NCKAP5: variants seen among roughly 807,000 people sequenced by gnomAD.
NCKAP5 encodes nck-associated protein 5.
In NCKAP5, 92 loss-of-function variants were observed where a neutral mutation model predicts 167.0. The observed-to-expected ratio is 0.55, with a 90% CI of 0.47 to 0.66. The LOEUF (loss-of-function observed/expected upper bound fraction) is 0.66. Among genes scored for constraint, NCKAP5 ranks in the 30% least tolerant of loss-of-function variants. The pLI is 0.00. For synonymous variants in NCKAP5, 891 were observed against 877.4 expected (o/e 1.02, Z -0.27); for missense variants, 2,378 against 2,315.0 (o/e 1.03, Z -0.56).
intron 3 of NCKAP5, among the ~76,000 whole-genome samples, chr2:133,348,406 A>T (rs897633623): frequency 1.3e-5 from 2 of 152,082 alleles, no homozygotes; most frequent in African/African-American, 4.8e-5. Context: ...ATTATACATC[A>T]CTATGCATTT....
At chr2:133,418,485 T>G (rs1380027023) in intron 3 of NCKAP5, among the ~76,000 whole-genome samples, 2 of 152,228 alleles carry the variant, frequency 1.3e-5, no homozygotes, top group East Asian at 3.9e-4. Flanking sequence ...TGCTTGGCTC[T>G]CTTAGCATTG....
chr2:133,232,514 A>G (rs2087199829), intron 4 of NCKAP5, among the ~76,000 whole-genome samples: 1 of 152,202 alleles, frequency 6.6e-6, no homozygotes. Flanking sequence ...GTCCAAAAGG[A>G]AAGAAAACCC....
intron 4 of NCKAP5, among the ~76,000 whole-genome samples, chr2:133,218,727 C>G (rs2150193491): frequency 6.6e-6 from 1 of 152,202 alleles, no homozygotes; most frequent in African/African-American, 2.4e-5. Flanking sequence ...AGGAACAGAT[C>G]AAAAGCCAAT....
chr2:133,196,419 AAG>A (rs1480585049), intron 5 of NCKAP5, among the ~76,000 whole-genome samples: 1 of 152,184 alleles, frequency 6.6e-6, no homozygotes, highest in Non-Finnish European at 1.5e-5. Context: ...GGACAAAAGT[AAG>A]AGAACTGAGG....
rs148182559 is a variant in NCKAP5, at chr2:133,178,040, G to A, written c.207+35676C>T. On this transcript the variant is annotated intron_variant, in intron 5 of 19. Transcript: ENST00000409261. ...GCAGGGTAGCTGTGGAAGCCTAGTA[G>A]GGAGCCAGAAGTCCCACACCTGCCC... 6.6e-3 allele frequency among the ~76,000 whole-genome samples: 1,003 copies of A among 152,304 alleles called. 31 individuals carry two copies. Among genetic ancestry groups the A allele is most frequent in the Admixed American group, 0.06 (920 of 15,296 alleles).
At chr2:133,483,588 T>C (rs1680643729) in intron 3 of NCKAP5, among the ~76,000 whole-genome samples, 1 of 144,508 alleles carries the variant, frequency 6.9e-6, no homozygotes, top group African/African-American at 2.5e-5. Flanking sequence ...TAAAGATTAA[T>C]ACGTTTTTGA....
chr2:133,523,305 C>T (rs1476619018), intron 2 of NCKAP5, among the ~76,000 whole-genome samples: 1 of 147,764 alleles, frequency 6.8e-6, no homozygotes, highest in South Asian at 2.1e-4. Flanking sequence ...CACAGTCACA[C>T]ACACACACAC....
intron 4 of NCKAP5, among the ~76,000 whole-genome samples, chr2:133,296,120 C>T (rs1425468713): frequency 1.3e-5 from 2 of 152,126 alleles, no homozygotes; most frequent in South Asian, 4.2e-4. Flanking sequence ...TGTCCAGCTG[C>T]TCCTGTGGGT....
At chr2:133,263,924 G>C (rs1054639674) in intron 4 of NCKAP5, among the ~76,000 whole-genome samples, 8 of 152,244 alleles carry the variant, frequency 5.3e-5, no homozygotes, top group African/African-American at 1.9e-4. Flanking sequence ...ATGCTTTGTA[G>C]CTAAAGAAAG....
At chr2:133,357,469 T>C (rs1684820088) in intron 3 of NCKAP5, among the ~76,000 whole-genome samples, 1 of 152,150 alleles carries the variant, frequency 6.6e-6, no homozygotes, top group Non-Finnish European at 1.5e-5. Flanking sequence ...TTAGAATAAT[T>C]TCTGTAATAC....
At chr2:133,222,540 A>G (rs2086700132) in intron 4 of NCKAP5, among the ~76,000 whole-genome samples, 1 of 152,212 alleles carries the variant, frequency 6.6e-6, no homozygotes, top group African/African-American at 2.4e-5. Flanking sequence ...GTATTCTTAT[A>G]AAATTCTAAG....
chr2:132,820,378 C>T (rs1045908314), intron 11 of NCKAP5, among the ~76,000 whole-genome samples: 5 of 151,614 alleles, frequency 3.3e-5, no homozygotes, highest in African/African-American at 4.8e-5. Context: ...TACAGGTGCC[C>T]GCCACCACGC....
chr2:133,592,223 C>G, the NCKAP5 span, among the ~76,000 whole-genome samples: 1 of 152,252 alleles, frequency 6.6e-6, no homozygotes, highest in South Asian at 2.1e-4. Flanking sequence ...TGTTTTCAAA[C>G]CCAAGTCTCT....
At chr2:133,541,745 A>C (rs1461087660) in intron 2 of NCKAP5, among the ~76,000 whole-genome samples, 2 of 152,098 alleles carry the variant, frequency 1.3e-5, no homozygotes, top group Admixed American at 1.3e-4. Flanking sequence ...CTGTAACTAC[A>C]TGATATTGAC....
intron 3 of NCKAP5, among the ~76,000 whole-genome samples, chr2:133,474,138 ATC>A (rs1391005154): frequency 6.1e-5 from 9 of 146,506 alleles, no homozygotes; most frequent in African/African-American, 2.2e-4. Flanking sequence ...CTATCTATCT[ATC>A]TATCTATCTA....
chr2:133,265,754 C>A (rs1287234176), intron 4 of NCKAP5, among the ~76,000 whole-genome samples: 2 of 152,130 alleles, frequency 1.3e-5, no homozygotes, highest in Non-Finnish European at 2.9e-5. Context: ...TGGGGACAGG[C>A]GCGCCCTGCT....
chr2:133,188,462 C>A (rs1321011563), intron 5 of NCKAP5, among the ~76,000 whole-genome samples: 1 of 152,028 alleles, frequency 6.6e-6, no homozygotes, highest in East Asian at 1.9e-4. Flanking sequence ...ACTCTCCACC[C>A]CAAATCAACA....
At chr2:133,407,602 G>A (rs1245145262) in intron 3 of NCKAP5, among the ~76,000 whole-genome samples, 1 of 152,176 alleles carries the variant, frequency 6.6e-6, no homozygotes, top group Non-Finnish European at 1.5e-5. Context: ...AGAGTCCAGT[G>A]CTGTGAATGA....
intron 3 of NCKAP5, among the ~76,000 whole-genome samples, chr2:133,435,047 G>T (rs1690385505): frequency 6.6e-6 from 1 of 152,156 alleles, no homozygotes; most frequent in Non-Finnish European, 1.5e-5. Context: ...CAAAGCCCTG[G>T]CCTGCCCTTC....
Sources: gnomAD v4.1 joint callset for allele counts (sites outside exome capture counted in the v4.1 genomes callset) on GRCh38, gnomAD v4.1.1 for gene constraint, MANE v1.5 for transcripts, NCBI Gene and HGNC (gene_info 2026-07-23, HGNC 2026-07-21) for gene names.